Variants in WDR19 observed in about 807,000 individuals in gnomAD.
The protein encoded by WDR19 is WD repeat-containing protein 19.
Under a neutral mutation model 180.0 loss-of-function variants are expected in WDR19, and 121 were observed. The observed-to-expected ratio is 0.67, with a 90% confidence interval of 0.58 to 0.78. The LOEUF is 0.78. WDR19 is among the 30% of genes least tolerant of loss of function. The probability of loss-of-function intolerance (pLI) is 0.00; values close to 1 mark genes in which losing one functional copy is unlikely to be tolerated. For missense variants in WDR19, 1,450 were observed against 1,640.7 expected, an observed-to-expected ratio of 0.88 and a Z score of 2.01; for synonymous variants, 497 against 540.7, an observed-to-expected ratio of 0.92 and a Z score of 1.12.
intron 9 of WDR19, among the ~76,000 whole-genome samples, chr4:39,209,869 A>G (rs1728317634): frequency 6.6e-6 from 1 of 152,218 alleles, no homozygotes; most frequent in Non-Finnish European, 1.5e-5. Flanking sequence ...AGCCATTATG[A>G]GAATAATAAA....
At chr4:39,263,043 G>A (rs1259482683) in intron 28 of WDR19, among the ~76,000 whole-genome samples, 4 of 152,132 alleles carry the variant, frequency 2.6e-5, no homozygotes, top group African/African-American at 9.6e-5. Context: ...TGGGTACATC[G>A]TCAAAATGCT....
At chr4:39,272,780 T>C (rs1735493000) in intron 31 of WDR19, among the ~76,000 whole-genome samples, 200 bp from the exon 32 acceptor site, 1 of 151,516 alleles carries the variant, frequency 6.6e-6, no homozygotes, top group South Asian at 2.1e-4. Flanking sequence ...GAGCATAGAG[T>C]AGGTGAGGCC....
intron 4 of WDR19, among the ~76,000 whole-genome samples, chr4:39,190,210 G>C (rs994459385): frequency 6.6e-6 from 1 of 152,186 alleles, no homozygotes; most frequent in South Asian, 2.1e-4. Flanking sequence ...TTCACAGCAA[G>C]TCATGCCAGA....
At chr4:39,249,334 C>T (rs1457750935) in intron 24 of WDR19, among the ~76,000 whole-genome samples, 3 of 152,072 alleles carry the variant, frequency 2.0e-5, no homozygotes, top group Non-Finnish European at 4.4e-5. Flanking sequence ...CTCTGGGACA[C>T]ATTCAAAGCA....
In WDR19 at chr4:39,277,005, G is replaced by A. The variant is rs1243716998; in HGVS notation, c.3717-15G>A. 6 of 1,610,496 alleles carry A rather than the reference G, an allele frequency of 3.7e-6. No individual in the cohort carries two copies. The Admixed American group carries it at 8.5e-5, about 23-fold the overall frequency. ...ATAAAACGGCATTTTTAAATGACAT[G>A]ATTCTTCCTCACAGGAGACCCGATA... On this transcript the variant is annotated splice_polypyrimidine_tract_variant and intron_variant, in intron 33 of 36. Transcript: ENST00000399820.
In WDR19 at chr4:39,285,545, ATTTAAGAGACGGTCC is replaced by A. The variant is rs1363798807; in HGVS notation, c.*76_*90del. 6.6e-6 allele frequency: 1 copy of A among 152,192 alleles called. No homozygotes were observed. The highest frequency in any genetic ancestry group is 1.5e-5 in the Non-Finnish European group (1 of 68,040). The allele number at this position is 152,192 out of a possible 1,614,324, so 9.4% of individuals were successfully genotyped here. ...AGGAGGCTGTTTCCTCCCCTGGTGG[ATTTAAGAGACGGTCC>A]TTTCTGGATACAGAGAAATGAAACA... is the stretch of plus-strand genomic sequence containing the variant. On this transcript the variant is annotated 3_prime_UTR_variant, in exon 37 of 37. Transcript: ENST00000399820.
chr4:39,233,240 G>A (rs1465113374), intron 19 of WDR19, among the ~76,000 whole-genome samples: 2 of 152,182 alleles, frequency 1.3e-5, no homozygotes, highest in African/African-American at 2.4e-5. Flanking sequence ...TTGCAGGAGA[G>A]GGCCTAGAGC....
At chr4:39,200,326 C>G (rs1164932309) in intron 6 of WDR19, among the ~76,000 whole-genome samples, 1 of 152,154 alleles carries the variant, frequency 6.6e-6, no homozygotes, top group Non-Finnish European at 1.5e-5. Context: ...CTTAAAACAA[C>G]ACTTACTATT....
intron 36 of WDR19, among the ~76,000 whole-genome samples, chr4:39,280,694 C>G (rs148870013): frequency 1.3e-5 from 2 of 151,510 alleles, no homozygotes; most frequent in Admixed American, 6.6e-5. Flanking sequence ...CAGTGGCATG[C>G]AGCTGTTATC....
intron 3 of WDR19, among the ~76,000 whole-genome samples, chr4:39,189,198 A>G (rs112195158): frequency 6.6e-6 from 1 of 152,160 alleles, no homozygotes; most frequent in African/African-American, 2.4e-5. Context: ...TGCTGGGATT[A>G]CAGGTGTAAG....
intron 24 of WDR19, among the ~76,000 whole-genome samples, chr4:39,250,511 A>G (rs1733045851): frequency 6.6e-6 from 1 of 152,196 alleles, no homozygotes; most frequent in African/African-American, 2.4e-5. Flanking sequence ...GGCCAGGGCA[A>G]TTAGGCAGGA....
At chr4:39,185,962 C>T (rs1417296211) in intron 2 of WDR19, 145 bp downstream of exon 2, 2 of 658,128 alleles carry the variant, frequency 3.0e-6, no homozygotes, top group East Asian at 5.8e-5. Context: ...GTGGCACGAT[C>T]TCAGCTTGCT....
intron 24 of WDR19, among the ~76,000 whole-genome samples, chr4:39,250,654 C>G (rs1276380474): frequency 6.6e-6 from 1 of 152,202 alleles, no homozygotes; most frequent in Non-Finnish European, 1.5e-5. Flanking sequence ...GCAACTTGAG[C>G]AAAGTCTCAG....
intron 5 of WDR19, among the ~76,000 whole-genome samples, chr4:39,197,352 G>T (rs550326773): frequency 3.6e-4 from 53 of 149,184 alleles, no homozygotes; most frequent in African/African-American, 1.2e-3. Context: ...CTTGAACCCA[G>T]GAGGCAGAAG....
chr4:39,280,119 G>GTT (rs551041321), intron 36 of WDR19, among the ~76,000 whole-genome samples: 6 of 53,944 alleles, frequency 1.1e-4, no homozygotes, highest in African/African-American at 1.9e-4. Flanking sequence ...CCCTTTTCTT[G>GTT]TTTTTTTTTT....
chr4:39,210,259 G>A (rs1002310291), intron 9 of WDR19, among the ~76,000 whole-genome samples: 1 of 152,190 alleles, frequency 6.6e-6, no homozygotes, highest in Admixed American at 6.5e-5. Context: ...TCATAAACTT[G>A]AGCATGAAAA....
rs1282771195 is a variant in WDR19 at position 39,217,960 on chromosome 4, CATT to C, written c.1357-16_1357-14del. The C allele has an allele frequency of 6.2e-7, 1 of 1,611,274 alleles. No homozygotes were observed. The highest frequency in any genetic ancestry group is 8.5e-7 in the Non-Finnish European group (1 of 1,178,800). On this transcript the variant is annotated intron_variant, in intron 13 of 36. Transcript: ENST00000399820. ...GGTTTACTCAAATAAATCTGTGAGC[CATT>C]ATTATTCTTTACGTTTTAGATAGAA...
chr4:39,194,454 T>C, intron 4 of WDR19, 90 bp from the exon 5 acceptor site: 1 of 735,110 alleles, frequency 1.4e-6, no homozygotes, highest in Non-Finnish European at 2.2e-6. Flanking sequence ...TCTAAGTAGA[T>C]GTTAAAATTA....
chr4:39,201,326 A>G (rs1231095017), intron 6 of WDR19, among the ~76,000 whole-genome samples: 1 of 152,200 alleles, frequency 6.6e-6, no homozygotes, highest in Admixed American at 6.5e-5. Flanking sequence ...GATCTGCAAG[A>G]TGCATTTATT....
Sources: allele counts gnomAD v4.1 joint callset (sites outside exome capture counted in the v4.1 genomes callset), GRCh38; gene constraint gnomAD v4.1.1; transcripts MANE v1.5; gene names NCBI Gene and HGNC (gene_info 2026-07-23, HGNC 2026-07-21).